Variants in ZNF528 observed in about 807,000 individuals in gnomAD.
The protein encoded by ZNF528 is zinc finger protein 528.
ZNF528 carries 9 observed loss-of-function variants against 13.3 expected under a neutral mutation model. That is an observed-to-expected ratio of 0.67 (90% CI 0.41 to 1.18). The LOEUF is 1.18. Ranked by LOEUF, ZNF528 falls within the 50% of genes most tolerant of loss-of-function variation. ZNF528 has a pLI of 0.01. For synonymous variants in ZNF528, 264 were observed against 254.3 expected, an observed-to-expected ratio of 1.04 and a Z score of -0.36; for missense variants, 858 against 745.4, an observed-to-expected ratio of 1.15 and a Z score of -1.76.
In ZNF528 at chr19:52,415,426, G is replaced by C. The variant is rs1397969661; in HGVS notation, c.574G>C (p.Gly192Arg). The C allele has an allele frequency of 6.2e-7, 1 of 1,614,158 alleles. No individual in the cohort carries two copies. The highest frequency in any genetic ancestry group is 8.5e-7 in the Non-Finnish European group (1 of 1,180,020). ...AAAAGCTTATAAATGTAATGAGCACGGCCAAGTCTTTAGAGCATCTGCAAG... is the reference window on the plus strand; with the variant it reads ...AAAAGCTTATAAATGTAATGAGCACCGCCAAGTCTTTAGAGCATCTGCAAG... ...REKAYKCNEH[G>R]QVFRASASLT... Residue 192 changes from glycine (G) to arginine (R), a missense_variant, in exon 7 of 7, where the codon GGC (glycine) becomes CGC (arginine). By Grantham distance (125) the Gly-to-Arg change is moderately radical (BLOSUM62 -2). Coordinates refer to ENST00000360465, the MANE Select transcript of ZNF528 (RefSeq NM_032423.3).
At chr19:52,408,667 G>A (rs1419611793) in intron 6 of ZNF528, among the ~76,000 whole-genome samples, 3 of 150,196 alleles carry the variant, frequency 2.0e-5, no homozygotes, top group Admixed American at 2.0e-4. Flanking sequence ...TCTGCCTCCT[G>A]GGTTCAAGCG....
intron 2 of ZNF528, among the ~76,000 whole-genome samples, chr19:52,401,269 C>A (rs1338735155): frequency 2.6e-5 from 4 of 152,148 alleles, no homozygotes; most frequent in Non-Finnish European, 5.9e-5. Context: ...ACATGTTCTC[C>A]CTACAGTCCT....
intron 2 of ZNF528, among the ~76,000 whole-genome samples, chr19:52,398,854 G>C (rs1177342638): frequency 6.6e-6 from 1 of 152,148 alleles, no homozygotes; most frequent in Non-Finnish European, 1.5e-5. Flanking sequence ...GGAGAACAGG[G>C]AGAACCACAG....
rs374418518 is a variant in ZNF528 at position 52,415,603 on chromosome 19, A to G, written c.751A>G (p.Ser251Gly). The G allele has an allele frequency of 3.7e-6, 6 of 1,614,040 alleles. No homozygotes were observed. The African/African-American group carries it at 4.0e-5, about 11-fold the overall frequency. ...ATGTCATGAATGTGGCAAGCTCTTC[A>G]GTAGCAATTCAAACCTTTCACAACA... ...YKCHECGKLF[S>G]SNSNLSQHQR... The change falls in exon 7 of 7, where the codon AGT (serine) becomes GGT (glycine). Residue 251 changes from serine to glycine, a missense_variant. Physicochemically the swap from Ser to Gly is moderately conservative, Grantham distance 56. Transcript: ENST00000360465.
intron 4 of ZNF528, among the ~76,000 whole-genome samples, chr19:52,404,104 ATGTCCAGAC>A (rs1290085077): frequency 6.6e-6 from 1 of 152,124 alleles, no homozygotes; most frequent in Non-Finnish European, 1.5e-5. Flanking sequence ...TTTGATTCTA[ATGTCCAGAC>A]ACCTGGGATC....
rs376685986 is a variant in ZNF528, at chr19:52,415,866, A to G, written c.1014A>G (p.Ser338=). 9.0e-5 allele frequency: 146 copies of G among 1,613,998 alleles called. No homozygotes were observed. The East Asian group carries it at 1.4e-3, about 16-fold the overall frequency. ...GTGGCAAGGTCTTTAGTCGCCATTC[A>G]TATCTAGCAGAACATCAAACGGTTC... The part of the protein sequence containing the change: ...NKCGKVFSRH[S]YLAEHQTVHT... The change falls in exon 7 of 7, where the codon TCA becomes TCG. Residue 338 remains serine, a synonymous_variant. Transcript: ENST00000360465.
In ZNF528 at chr19:52,414,495, G is replaced by A. The variant is rs147609514; in HGVS notation, c.272-629G>A. 4,308 of 579,834 alleles carry A rather than the reference G, an allele frequency of 7.4e-3. 30 individuals are homozygous for A. Among genetic ancestry groups the A allele is most frequent in the Non-Finnish European group, 0.01 (3,386 of 325,472 alleles). The allele number at this position is 579,834 out of a possible 1,614,324, so 35.9% of individuals were successfully genotyped here. A position where few individuals can be genotyped will look rare whatever the true frequency, so the allele number is the denominator to read the frequency against. On this transcript the variant is annotated intron_variant, in intron 6 of 6. Transcript: ENST00000360465. ...GGGGAGGGGGTGGTTATTGGTCAGCGGCTTGATTTACAACAGGTTTGCAAG... is the reference window on the plus strand; with the variant it reads ...GGGGAGGGGGTGGTTATTGGTCAGCAGCTTGATTTACAACAGGTTTGCAAG...
rs758320180 is a variant in ZNF528 at position 52,416,466 on chromosome 19, A to G, written c.1614A>G (p.Arg538=). The G allele has an allele frequency of 8.7e-6, 14 of 1,614,058 alleles. No individual in the cohort carries two copies. The African/African-American group carries it at 1.9e-4, about 22-fold the overall frequency. ...KVFNQASYLT[R]HQIIHTGERP... is the part of the protein sequence containing the mutation. Reference sequence around the variant, plus strand: ...TTAATCAAGCATCATACCTTACAAGACATCAAATAATTCATACTGGAGAGA... The same window carrying G: ...TTAATCAAGCATCATACCTTACAAGGCATCAAATAATTCATACTGGAGAGA... The change falls in exon 7 of 7, where the codon AGA becomes AGG. Residue 538 remains arginine, a synonymous_variant. Coordinates refer to ENST00000360465, the MANE Select transcript of ZNF528 (RefSeq NM_032423.3).
At position 52,417,377 on chromosome 19, in the gene ZNF528, G is replaced by A. The variant is rs115072817; in HGVS notation, c.*638G>A. 0.012 allele frequency: 2,165 copies of A among 177,982 alleles called. 45 individuals carry two copies. Among genetic ancestry groups the A allele is most frequent in the African/African-American group, 0.049 (2,031 of 41,784 alleles). The allele number at this position is 177,982 out of a possible 1,614,324, so 11.0% of individuals were successfully genotyped here. A position where few individuals can be genotyped will look rare whatever the true frequency, so the allele number is the denominator to read the frequency against. The stretch of plus-strand genomic sequence containing the variant: ...GTGGGCAGAGTAACATAAAACTGAT[G>A]ACCGTCATCATACTGTTGCAGTTAG... On this transcript the variant is annotated 3_prime_UTR_variant, in exon 7 of 7. Transcript: ENST00000360465.
In ZNF528 at chr19:52,406,039, G is replaced by A; in HGVS notation, c.142+6G>A. ...TAGGAACCTGGTCTCCCTGGGTGAG[G>A]ATAATGTCCCCTCAGAAGCCGGGAT... On this transcript the variant is annotated splice_donor_region_variant and intron_variant, in intron 5 of 6. Transcript: ENST00000360465. 2 of 1,608,530 alleles carry A rather than the reference G, an allele frequency of 1.2e-6. No homozygotes were observed. Among genetic ancestry groups the A allele is most frequent in the African/African-American group, 2.7e-5 (2 of 74,790 alleles).
At chr19:52,404,562 C>G (rs578140235) in intron 4 of ZNF528, among the ~76,000 whole-genome samples, 1 of 152,058 alleles carries the variant, frequency 6.6e-6, no homozygotes, top group South Asian at 2.1e-4. Flanking sequence ...CTATTGTTAT[C>G]ATCACAGTTT....
chr19:52,403,422 T>C (rs1345393247), intron 4 of ZNF528, among the ~76,000 whole-genome samples: 1 of 152,014 alleles, frequency 6.6e-6, no homozygotes, highest in Non-Finnish European at 1.5e-5. Flanking sequence ...TCCCAGCACT[T>C]TGGGCCAAGG....
chr19:52,414,155 G>T (rs183002084), intron 6 of ZNF528: 2 of 700,160 alleles, frequency 2.9e-6, no homozygotes, highest in South Asian at 1.5e-5. Context: ...CCTTATATCC[G>T]CTGCCAGCCG....
chr19:52,405,776 A>T (rs1388512858), intron 4 of ZNF528, 131 bp from the exon 5 acceptor site: 2 of 1,256,886 alleles, frequency 1.6e-6, no homozygotes, highest in African/African-American at 3.0e-5. Context: ...AACTGGCTCA[A>T]GAATACCTTA....
chr19:52,416,532 G>C lies in ZNF528; in HGVS notation c.1680G>C (p.Gly560=), dbSNP rs765358670. The C allele has an allele frequency of 1.3e-5, 21 of 1,614,014 alleles. No homozygotes were observed. The highest frequency in any genetic ancestry group is 8.3e-5 in the Admixed American group (5 of 59,992). The change falls in exon 7 of 7, where the codon GGG becomes GGC. Residue 560 remains glycine (G), a synonymous_variant. Coordinates refer to ENST00000360465, the MANE Select transcript of ZNF528 (RefSeq NM_032423.3). ...GTAAATGTGGCAAAGCATTTCGAGGGTGTTCAGGCCTTACTGCCCATCTTG... is the reference window on the plus strand; with the variant it reads ...GTAAATGTGGCAAAGCATTTCGAGGCTGTTCAGGCCTTACTGCCCATCTTG... ...RCSKCGKAFR[G]CSGLTAHLAI...
At chr19:52,404,340 G>C (rs2058830004) in intron 4 of ZNF528, among the ~76,000 whole-genome samples, 1 of 152,022 alleles carries the variant, frequency 6.6e-6, no homozygotes. Context: ...CGATTCTCCT[G>C]CCTCAGCCTC....
intron 5 of ZNF528, 71 bp from the exon 6 acceptor site, chr19:52,406,444 C>G (rs879624294): frequency 3.2e-6 from 5 of 1,555,552 alleles, no homozygotes; most frequent in Non-Finnish European, 4.3e-6. Context: ...AATATCCTCT[C>G]TCCTCCCTAA....
rs1161129381 is a variant in ZNF528, at chr19:52,416,193, A to G, written c.1341A>G (p.Arg447=). 1.2e-6 allele frequency: 2 copies of G among 1,613,654 alleles called. No homozygotes were observed. Among genetic ancestry groups the G allele is most frequent in the African/African-American group, 2.7e-5 (2 of 74,892 alleles). The change falls in exon 7 of 7, where the codon AGA becomes AGG. Residue 447 remains arginine (R), a synonymous_variant. Transcript: ENST00000360465. The part of the protein sequence containing the change: ...YKCNKCGTAF[R]EFSDLTAHFL... ...GTAATAAATGTGGCACAGCGTTTAG[A>G]GAGTTTTCAGACCTTACTGCCCATT...
chr19:52,406,617 G>C lies in ZNF528; in HGVS notation c.245G>C (p.Arg82Thr). 6.2e-7 allele frequency: 1 copy of C among 1,613,976 alleles called. No individual in the cohort carries two copies. The highest frequency in any genetic ancestry group is 1.1e-5 in the South Asian group (1 of 91,026). ...AAAATAGCAAACGATCCAGACGGCA[G>C]GGAGTGCATCAAAGGTGTGAACACA... ...EEKIANDPDG[R>T]ECIKGVNTER... The change falls in exon 6 of 7, where the codon AGG (arginine) becomes ACG (threonine). Residue 82 changes from arginine (R) to threonine (T), a missense_variant. Coordinates refer to ENST00000360465, the MANE Select transcript of ZNF528 (RefSeq NM_032423.3).
Sources: gnomAD v4.1 joint callset for allele counts (sites outside exome capture counted in the v4.1 genomes callset) on GRCh38, gnomAD v4.1.1 for gene constraint, MANE v1.5 for transcripts, NCBI Gene and HGNC (gene_info 2026-07-23, HGNC 2026-07-21) for gene names.